Variants in KIAA1328 observed in about 807,000 individuals in gnomAD.
The protein encoded by KIAA1328 is KIAA1328, also known as protein hinderin.
In KIAA1328, 52 loss-of-function variants were observed where a neutral mutation model predicts 68.1. The ratio of observed to expected loss-of-function variants is 0.76; its 90% CI spans 0.61 to 0.96. The LOEUF is 0.96. Among genes scored for constraint, KIAA1328 ranks in the 40% least tolerant of loss-of-function variants. KIAA1328 has a pLI of 0.00. For synonymous variants in KIAA1328, 232 were observed against 239.4 expected (o/e 0.97, Z 0.28); for missense variants, 641 against 677.6 (o/e 0.95, Z 0.60).
At chr18:37,088,352 C>T (rs1599221118) in intron 7 of KIAA1328, among the ~76,000 whole-genome samples, 1 of 152,136 alleles carries the variant, frequency 6.6e-6, no homozygotes, top group Admixed American at 6.5e-5. Context: ...TAAATTAGCT[C>T]TCCAATACTT....
chr18:36,934,228 C>T (rs1261394398), intron 5 of KIAA1328, among the ~76,000 whole-genome samples: 1 of 152,102 alleles, frequency 6.6e-6, no homozygotes. Context: ...GTATCTGTGT[C>T]ACCTCTCAAC....
At chr18:36,867,699 A>G (rs2047801605) in intron 4 of KIAA1328, among the ~76,000 whole-genome samples, 1 of 152,226 alleles carries the variant, frequency 6.6e-6, no homozygotes, top group Non-Finnish European at 1.5e-5. Flanking sequence ...ACAATGTATG[A>G]AAGAACAGTA....
At chr18:37,077,238 C>CAT (rs2056772306) in intron 7 of KIAA1328, among the ~76,000 whole-genome samples, 1 of 137,992 alleles carries the variant, frequency 7.2e-6, no homozygotes, top group African/African-American at 3.3e-5. Context: ...AAAAACTGCA[C>CAT]GATTATCTCA....
chr18:36,920,700 C>G (rs1030864847), intron 5 of KIAA1328, among the ~76,000 whole-genome samples: 3 of 152,196 alleles, frequency 2.0e-5, no homozygotes, highest in Admixed American at 2.0e-4. Flanking sequence ...TGTACTCTGG[C>G]TGATGACAGT....
At chr18:36,940,895 C>T (rs573306024) in intron 5 of KIAA1328, among the ~76,000 whole-genome samples, 7 of 152,092 alleles carry the variant, frequency 4.6e-5, no homozygotes, top group African/African-American at 7.2e-5. Context: ...AGGATGGTCT[C>T]GATCTCTTGA....
chr18:36,939,925 A>G (rs2050642566), intron 5 of KIAA1328, among the ~76,000 whole-genome samples: 1 of 152,096 alleles, frequency 6.6e-6, no homozygotes, highest in African/African-American at 2.4e-5. Flanking sequence ...ATATTCTTTT[A>G]TATATGTCTT....
intron 5 of KIAA1328, among the ~76,000 whole-genome samples, chr18:36,925,250 A>G (rs910178276): frequency 1.3e-5 from 2 of 152,164 alleles, no homozygotes; most frequent in Admixed American, 6.6e-5. Flanking sequence ...AAAACAGAAG[A>G]TAATAAAGAT....
intron 9 of KIAA1328, among the ~76,000 whole-genome samples, chr18:37,192,189 G>C (rs2059919404): frequency 6.6e-6 from 1 of 151,770 alleles, no homozygotes; most frequent in Non-Finnish European, 1.5e-5. Flanking sequence ...GTGTGTATGT[G>C]TGTTGCGTGT....
chr18:36,854,252 A>G (rs1009409429), intron 4 of KIAA1328, among the ~76,000 whole-genome samples: 4 of 152,178 alleles, frequency 2.6e-5, no homozygotes, highest in Non-Finnish European at 5.9e-5. Flanking sequence ...TGACACCTTG[A>G]TCTTGGACTT....
Position 36,992,451 on chromosome 18 carries a change from CTTTTTTTTTTTT to C in KIAA1328, c.576+33030_576+33041del, listed in dbSNP as rs71168252. ...AGGTCCAATTTCTTTTCTTTTCTTT[CTTTTTTTTTTTT>C]TTTTTTTTTTTTTGCTATATGTGGC... On this transcript the variant is annotated intron_variant, in intron 6 of 9. Transcript: ENST00000280020. Among the ~76,000 whole-genome samples, 225 of 130,088 alleles carry C rather than the reference CTTTTTTTTTTTT, an allele frequency of 1.7e-3. 2 individuals carry two copies. The highest frequency in any genetic ancestry group is 3.2e-3 in the South Asian group (14 of 4,420). 85.3% of individuals were successfully genotyped at this position (130,088 alleles called of 152,430 possible). A position where few individuals can be genotyped will look rare whatever the true frequency, so the allele number is the denominator to read the frequency against.
chr18:37,054,301 C>T (rs1162790735), intron 6 of KIAA1328, among the ~76,000 whole-genome samples: 2 of 152,206 alleles, frequency 1.3e-5, no homozygotes, highest in East Asian at 1.9e-4. Context: ...CTAGCAGTCT[C>T]ACTACTAGAT....
chr18:37,039,647 G>T (rs1026823924), intron 6 of KIAA1328, among the ~76,000 whole-genome samples: 1 of 152,030 alleles, frequency 6.6e-6, no homozygotes, highest in Non-Finnish European at 1.5e-5. Context: ...TCTTGACCTC[G>T]TGATCCGCCC....
At chr18:37,051,689 A>G (rs748930557) in intron 6 of KIAA1328, among the ~76,000 whole-genome samples, 8 of 152,154 alleles carry the variant, frequency 5.3e-5, no homozygotes, top group South Asian at 2.1e-4. Context: ...TTCCTCCCCA[A>G]CTCATTCTAC....
At chr18:36,978,117 G>A (rs2052543620) in intron 6 of KIAA1328, among the ~76,000 whole-genome samples, 1 of 152,110 alleles carries the variant, frequency 6.6e-6, no homozygotes. Context: ...AAAGGGAAAA[G>A]GTAAAGTCTG....
intron 6 of KIAA1328, among the ~76,000 whole-genome samples, chr18:36,999,347 A>G (rs2053506640): frequency 6.6e-6 from 1 of 152,252 alleles, no homozygotes; most frequent in South Asian, 2.1e-4. Context: ...TAGAAAACCT[A>G]TTTGATGAGA....
intron 7 of KIAA1328, among the ~76,000 whole-genome samples, chr18:37,151,499 A>G (rs2059028524): frequency 6.6e-6 from 1 of 152,178 alleles, no homozygotes; most frequent in South Asian, 2.1e-4. Context: ...GACTAAATTG[A>G]AGGACTTATG....
chr18:37,032,313 A>G (rs552075504), intron 6 of KIAA1328, among the ~76,000 whole-genome samples: 10 of 152,194 alleles, frequency 6.6e-5, no homozygotes, highest in Non-Finnish European at 1.2e-4. Flanking sequence ...TTACTTCTAC[A>G]TGTGTTGTAT....
At chr18:36,957,478 C>T (rs1279133535) in intron 5 of KIAA1328, among the ~76,000 whole-genome samples, 2 of 152,126 alleles carry the variant, frequency 1.3e-5, no homozygotes, top group Admixed American at 1.3e-4. Flanking sequence ...AGTTAGCTGA[C>T]ATTTTCCAAT....
At chr18:37,225,458 C>T (rs574597313), downstream of KIAA1328, 35 of 312,476 alleles carry the variant, frequency 1.1e-4, no homozygotes, top group African/African-American at 6.1e-4. Flanking sequence ...GTTAAAACAG[C>T]AGGAGCCTGT....
Sources: gnomAD v4.1 joint callset for allele counts (sites outside exome capture counted in the v4.1 genomes callset) on GRCh38, gnomAD v4.1.1 for gene constraint, MANE v1.5 for transcripts, NCBI Gene and HGNC (gene_info 2026-07-23, HGNC 2026-07-21) for gene names.